Variants in HEXD observed in about 807,000 individuals in gnomAD.
HEXD encodes hexosaminidase D, also known as N-acetyl-beta-galactosaminidase.
A neutral mutation model predicts 54.2 loss-of-function variants in HEXD; 47 were observed. The observed-to-expected ratio is 0.87, with a 90% confidence interval of 0.69 to 1.11. The LOEUF (loss-of-function observed/expected upper bound fraction) is 1.11, where lower values mean the gene tolerates loss of function less well. HEXD is among the 50% of genes least tolerant of loss of function. The pLI, the probability that HEXD is intolerant of heterozygous loss-of-function variation, is 0.00. For synonymous variants in HEXD, 293 were observed against 287.6 expected (o/e 1.02, Z -0.19); for missense variants, 576 against 649.2 (o/e 0.89, Z 1.23).
chr17:82,433,077 G>GAAAAAAAAAAAAAA lies in HEXD; in HGVS notation c.283-579_283-566dup, dbSNP rs71168108. Among the ~76,000 whole-genome samples the GAAAAAAAAAAAAAA allele has an allele frequency of 3.8e-4, 3 of 7,832 alleles. 1 individual carries two copies. The highest frequency in any genetic ancestry group is 5.5e-4 in the Non-Finnish European group (3 of 5,500). 5.1% of individuals were successfully genotyped at this position (7,832 alleles called of 152,430 possible). On this transcript the variant is annotated intron_variant, in intron 4 of 12. Coordinates refer to ENST00000327949, the MANE Select transcript of HEXD (RefSeq NM_001330542.2). ...CAAGACTCCATCTCAAAAAAAAAAA[G>GAAAAAAAAAAAAAA]AAAAAAAAAAAAAAATATATATATA...
Position 82,435,869 on chromosome 17 carries a change from G to T in HEXD, c.628G>T (p.Ala210Ser). ...MLRDLPEDQL[A>S]ASGVPQLVEP... ...CCGAGACCTGCCTGAGGACCAGCTCGCAGGTCGGCCAACAGGGCTGGGGGA... is the reference window on the plus strand; with the variant it reads ...CCGAGACCTGCCTGAGGACCAGCTCTCAGGTCGGCCAACAGGGCTGGGGGA... Residue 210 changes from alanine to serine, a missense_variant, in exon 6 of 13, where the codon GCA becomes TCA. By Grantham distance (99) the Ala-to-Ser change is moderately conservative. Coordinates refer to ENST00000327949, the MANE Select transcript of HEXD (RefSeq NM_001330542.2). The T allele has an allele frequency of 3.1e-6, 5 of 1,603,724 alleles. No individual in the cohort carries two copies. The highest frequency in any genetic ancestry group is 4.3e-6 in the Non-Finnish European group (5 of 1,175,744).
At chr17:82,437,118 G>C (rs763081452) in intron 7 of HEXD, 50 bp from the exon 8 acceptor site, 45 of 1,494,864 alleles carry the variant, frequency 3.0e-5, no homozygotes, top group Non-Finnish European at 4.0e-5. Flanking sequence ...GTCCAGGGCC[G>C]TGTTGGCCGC....
intron 5 of HEXD, among the ~76,000 whole-genome samples, chr17:82,435,483 A>AT (rs2053733463): frequency 6.6e-6 from 1 of 152,188 alleles, no homozygotes; most frequent in Non-Finnish European, 1.5e-5. Context: ...TGCTGTGAAC[A>AT]TTCACAGGAA....
intron 7 of HEXD, 65 bp downstream of exon 7, chr17:82,436,803 C>G (rs892218084): frequency 7.8e-5 from 114 of 1,455,342 alleles, no homozygotes; most frequent in Non-Finnish European, 3.8e-6. Context: ...ATCCCTGGCC[C>G]TGTGACCCTG....
chr17:82,427,797 T>G (rs1040840371), intron 3 of HEXD, among the ~76,000 whole-genome samples: 1 of 152,178 alleles, frequency 6.6e-6, no homozygotes, highest in African/African-American at 2.4e-5. Context: ...GATAAATTCA[T>G]AAATGACAGC....
chr17:82,440,452 T>A, intron 9 of HEXD: 1 of 609,502 alleles, frequency 1.6e-6, no homozygotes. Flanking sequence ...AGAGCTGTGT[T>A]AATATTGACG....
intron 6 of HEXD, 86 bp downstream of exon 6, chr17:82,435,958 G>T: frequency 1.4e-6 from 2 of 1,390,502 alleles, no homozygotes; most frequent in Non-Finnish European, 2.0e-6. Flanking sequence ...TGTAGGAAGT[G>T]GGCCCCAGGG....
intron 3 of HEXD, among the ~76,000 whole-genome samples, chr17:82,424,919 G>T (rs921878005): frequency 6.6e-6 from 1 of 152,128 alleles, no homozygotes; most frequent in Non-Finnish European, 1.5e-5. Context: ...AGCTGGAGAA[G>T]GCTAGAGAAG....
At chr17:82,433,552 A>G (rs1161115171) in intron 4 of HEXD, 106 bp from the exon 5 acceptor site, 10 of 1,193,838 alleles carry the variant, frequency 8.4e-6, no homozygotes, top group Non-Finnish European at 9.1e-6. Context: ...TGCCTGGCCT[A>G]ATTTTTTTGT....
At chr17:82,425,426 G>A (rs1426728979) in intron 3 of HEXD, 1 of 164,850 alleles carries the variant, frequency 6.1e-6, no homozygotes, top group East Asian at 1.9e-4. Context: ...GAGGATGCTG[G>A]AGGAGGCCTC....
intron 4 of HEXD, 33 bp from the exon 5 acceptor site, chr17:82,433,625 G>C: frequency 6.6e-7 from 1 of 1,511,404 alleles, no homozygotes; most frequent in Non-Finnish European, 8.8e-7. Context: ...CAGCTCCTCC[G>C]CCCCCAACGC....
chr17:82,430,444 A>G (rs570905489), intron 4 of HEXD, among the ~76,000 whole-genome samples: 2 of 152,206 alleles, frequency 1.3e-5, no homozygotes, highest in Admixed American at 6.5e-5. Context: ...GCTGGAGTGT[A>G]GTGGTGCAGT....
At position 82,433,697 on chromosome 17, in the gene HEXD, G is replaced by C; in HGVS notation, c.322G>C (p.Val108Leu). 2 of 1,610,656 alleles carry C rather than the reference G, an allele frequency of 1.2e-6. No homozygotes were observed. Among genetic ancestry groups the C allele is most frequent in the Middle Eastern group, 1.7e-4 (1 of 6,056 alleles). ...KHTAFAHLRE[V>L]GSFPCTLNPH... ...CACGGCCTTCGCCCACCTGCGGGAG[G>C]TGGGCTCCTTCCCCTGCACCCTGAA... Residue 108 changes from valine to leucine, a missense_variant, in exon 5 of 13, where the codon GTG (valine) becomes CTG (leucine). Coordinates refer to ENST00000327949, the MANE Select transcript of HEXD (RefSeq NM_001330542.2).
chr17:82,440,840 G>A (rs535849716), intron 9 of HEXD, among the ~76,000 whole-genome samples, 157 bp from the exon 10 acceptor site: 1 of 152,300 alleles, frequency 6.6e-6, no homozygotes, highest in African/African-American at 2.4e-5. Context: ...TTTGCCCCCA[G>A]GTCCCCTTGG....
At chr17:82,433,519 G>A (rs1408059648) in intron 4 of HEXD, 139 bp from the exon 5 acceptor site, 4 of 761,280 alleles carry the variant, frequency 5.3e-6, no homozygotes, top group Non-Finnish European at 8.0e-6. Flanking sequence ...ACAAGGTGCT[G>A]GGATTACAGG....
intron 8 of HEXD, among the ~76,000 whole-genome samples, chr17:82,438,053 G>A (rs952982777): frequency 2.0e-5 from 3 of 152,000 alleles, no homozygotes; most frequent in Non-Finnish European, 4.4e-5. Flanking sequence ...CCTGGCCAAC[G>A]TGGTGAAACC....
At chr17:82,423,722 A>T (rs2143400698) in intron 2 of HEXD, 1 of 151,782 alleles carries the variant, frequency 6.6e-6, no homozygotes, top group Admixed American at 6.6e-5. Context: ...CTGGGGCAGG[A>T]GAATCGCTTG....
In HEXD at chr17:82,442,340, C is replaced by A. The variant is rs772241277; in HGVS notation, c.1417C>A (p.Leu473Met). 1 of 1,611,070 alleles carries A rather than the reference C, an allele frequency of 6.2e-7. No individual in the cohort carries two copies. Among genetic ancestry groups the A allele is most frequent in the Non-Finnish European group, 8.5e-7 (1 of 1,179,496 alleles). Residue 473 changes from leucine to methionine, a missense_variant, in exon 13 of 13, where the codon CTG becomes ATG. Coordinates refer to ENST00000327949, the MANE Select transcript of HEXD (RefSeq NM_001330542.2). This position sits in a 1 kb window ranked among gnomAD's most constrained non-coding sequence, Gnocchi z 6.8. ...CCTCAGCGAGGTGTCTGCCCCCCCGCTGCCACCCACCAGCCCTGGCAGGGA... is the reference window on the plus strand; with the variant it reads ...CCTCAGCGAGGTGTCTGCCCCCCCGATGCCACCCACCAGCCCTGGCAGGGA... ...QDLSEVSAPP[L>M]PPTSPGRDVA... is the part of the protein sequence containing the mutation.
intron 3 of HEXD, chr17:82,425,522 T>TA (rs1296939170): frequency 1.3e-4 from 20 of 152,940 alleles, no homozygotes; most frequent in African/African-American, 4.3e-4. Context: ...TCAAAATCAA[T>TA]AAAATCAGGT....
Sources: gnomAD v4.1 joint callset for allele counts (sites outside exome capture counted in the v4.1 genomes callset) on GRCh38, gnomAD v4.1.1 for gene constraint, Gnocchi (gnomAD v3.1) non-coding constraint, MANE v1.5 for transcripts, NCBI Gene and HGNC (gene_info 2026-07-23, HGNC 2026-07-21) for gene names.